TATDN1: variants seen among roughly 807,000 people sequenced by gnomAD.
TATDN1 encodes the protein TatD DNase domain containing 1, also known as deoxyribonuclease TATDN1.
TATDN1 carries 40 observed loss-of-function variants against 46.4 expected under a neutral mutation model. That is an observed-to-expected ratio of 0.86 (90% confidence interval 0.67 to 1.12). The LOEUF is 1.12. Among genes scored for constraint, TATDN1 ranks in the 50% most tolerant of loss-of-function variants. TATDN1 has a pLI of 0.00. For synonymous variants in TATDN1, 95 were observed against 105.6 expected (o/e 0.90, Z 0.62); for missense variants, 326 against 348.4 (o/e 0.94, Z 0.51).
At chr8:124,520,971 G>A (rs1252006348) in intron 3 of TATDN1, among the ~76,000 whole-genome samples, 3 of 148,696 alleles carry the variant, frequency 2.0e-5, no homozygotes, top group Non-Finnish European at 3.0e-5. Context: ...AAAAGATAAC[G>A]ATGATGATGA....
chr8:124,537,876 G>A (rs1469624929), intron 1 of TATDN1, among the ~76,000 whole-genome samples: 1 of 151,740 alleles, frequency 6.6e-6, no homozygotes, highest in Non-Finnish European at 1.5e-5. Context: ...CAGTACATAG[G>A]TCTTAGGTCT....
chr8:124,494,325 T>TA (rs1453407801), intron 10 of TATDN1: 1 of 155,060 alleles, frequency 6.4e-6, no homozygotes, highest in East Asian at 1.9e-4. Context: ...TTGCATAAGT[T>TA]AAACAAATTT....
chr8:124,503,038 C>A (rs1173560803), intron 9 of TATDN1, among the ~76,000 whole-genome samples: 1 of 152,112 alleles, frequency 6.6e-6, no homozygotes, highest in Non-Finnish European at 1.5e-5. Flanking sequence ...AAACTTGAAA[C>A]CCTCTCATAC....
chr8:124,522,506 T>G (rs1300404064), intron 2 of TATDN1, among the ~76,000 whole-genome samples: 3 of 151,904 alleles, frequency 2.0e-5, no homozygotes, highest in African/African-American at 7.3e-5. Context: ...AACTTCCACC[T>G]CCTGGGTTCA....
At chr8:124,536,597 G>A (rs189141873) in intron 1 of TATDN1, among the ~76,000 whole-genome samples, 1 of 152,300 alleles carries the variant, frequency 6.6e-6, no homozygotes, top group Admixed American at 6.5e-5. Context: ...GCAGCCACTT[G>A]TTATGCAAGT....
intron 4 of TATDN1, 47 bp from the exon 5 acceptor site, chr8:124,516,077 T>C (rs548129602): frequency 2.1e-6 from 3 of 1,439,108 alleles, no homozygotes; most frequent in African/African-American, 1.4e-5. Context: ...TATTTTCTCA[T>C]ATTTATATTT....
chr8:124,525,165 A>G (rs1354572194), intron 1 of TATDN1, among the ~76,000 whole-genome samples: 5 of 152,018 alleles, frequency 3.3e-5, no homozygotes, highest in Non-Finnish European at 5.9e-5. Context: ...TTTCTTTTTA[A>G]GACAGAGTCT....
At chr8:124,527,565 G>A (rs1014039505) in intron 1 of TATDN1, among the ~76,000 whole-genome samples, 1 of 152,034 alleles carries the variant, frequency 6.6e-6, no homozygotes, top group African/African-American at 2.4e-5. Flanking sequence ...GGTGTACTGA[G>A]GTGTGACCAA....
At chr8:124,509,641 T>C (rs949177886) in intron 6 of TATDN1, among the ~76,000 whole-genome samples, 3 of 152,240 alleles carry the variant, frequency 2.0e-5, no homozygotes, top group African/African-American at 7.2e-5. Context: ...TCTCTTGCTA[T>C]ATTTTTCTAT....
At chr8:124,518,118 A>G (rs1819654621) in intron 4 of TATDN1, among the ~76,000 whole-genome samples, 3 of 146,056 alleles carry the variant, frequency 2.1e-5, no homozygotes, top group East Asian at 4.1e-4. Flanking sequence ...AGGCTGAGGC[A>G]GGAGAATGGC....
At chr8:124,528,390 G>A (rs1256897398) in intron 1 of TATDN1, among the ~76,000 whole-genome samples, 1 of 152,044 alleles carries the variant, frequency 6.6e-6, no homozygotes, top group Non-Finnish European at 1.5e-5. Flanking sequence ...AGCCAGGATG[G>A]TCTCGATCTC....
chr8:124,492,558 A>G (rs1227773750), intron 11 of TATDN1, among the ~76,000 whole-genome samples: 4 of 151,834 alleles, frequency 2.6e-5, no homozygotes, highest in Non-Finnish European at 4.4e-5. Flanking sequence ...GTTTGAGACC[A>G]GCCTGGCCAA....
At chr8:124,499,706 G>C (rs1471110215) in intron 9 of TATDN1, among the ~76,000 whole-genome samples, 2 of 151,652 alleles carry the variant, frequency 1.3e-5, no homozygotes, top group South Asian at 4.2e-4. Flanking sequence ...ACCACACCCG[G>C]CTAATTTTTT....
chr8:124,495,356 A>G (rs1283249790), intron 10 of TATDN1, 116 bp downstream of exon 10: 2 of 719,236 alleles, frequency 2.8e-6, no homozygotes, highest in African/African-American at 3.6e-5. Flanking sequence ...GTTGAGGTTG[A>G]GCATGCTGTT....
At chr8:124,528,364 G>A (rs894169280) in intron 1 of TATDN1, among the ~76,000 whole-genome samples, 5 of 152,064 alleles carry the variant, frequency 3.3e-5, no homozygotes, top group Non-Finnish European at 5.9e-5. Flanking sequence ...TAGTAGAGAC[G>A]GGGTTTCACC....
chr8:124,511,875 A>T (rs1300070649), intron 6 of TATDN1, among the ~76,000 whole-genome samples: 1 of 152,186 alleles, frequency 6.6e-6, no homozygotes, highest in Non-Finnish European at 1.5e-5. Flanking sequence ...TTATGTTAAG[A>T]AAGGTAGGCA....
intron 3 of TATDN1, among the ~76,000 whole-genome samples, chr8:124,519,661 A>G (rs1819856449): frequency 6.6e-6 from 1 of 152,218 alleles, no homozygotes; most frequent in Non-Finnish European, 1.5e-5. Context: ...GGGGTCCTCA[A>G]TAATAAAGAA....
intron 8 of TATDN1, among the ~76,000 whole-genome samples, chr8:124,506,798 T>C (rs950539678): frequency 1.3e-5 from 2 of 152,130 alleles, no homozygotes; most frequent in African/African-American, 4.8e-5. Context: ...TCTCCTGAAA[T>C]TGCATATGAA....
chr8:124,511,273 A>G (rs1818982993), intron 6 of TATDN1, among the ~76,000 whole-genome samples: 1 of 152,208 alleles, frequency 6.6e-6, no homozygotes, highest in African/African-American at 2.4e-5. Flanking sequence ...AGTTGTTATT[A>G]ATTAGGATCA....
Sources: gnomAD v4.1 joint callset for allele counts (sites outside exome capture counted in the v4.1 genomes callset) on GRCh38, gnomAD v4.1.1 for gene constraint, MANE v1.5 for transcripts, NCBI Gene and HGNC (gene_info 2026-07-23, HGNC 2026-07-21) for gene names.